The following PARVG variants were observed in gnomAD, a reference collection of about 807,000 sequenced individuals.
PARVG encodes parvin gamma, also known as gamma-parvin.
In PARVG, 36 loss-of-function variants were observed where a neutral mutation model predicts 44.4. The observed-to-expected ratio is 0.81, with a 90% CI of 0.62 to 1.07. The LOEUF (loss-of-function observed/expected upper bound fraction) is 1.07. Ranked by LOEUF, PARVG falls within the 50% of genes least tolerant of loss-of-function variation. PARVG has a pLI of 0.00. For synonymous variants in PARVG, 170 were observed against 174.1 expected (o/e 0.98, Z 0.19); for missense variants, 407 against 407.4 (o/e 1.00, Z 0.01).
upstream of PARVG, among the ~76,000 whole-genome samples, chr22:44,177,456 A>G (rs767148706): frequency 1.8e-4 from 27 of 152,238 alleles, no homozygotes; most frequent in Admixed American, 5.9e-4. Flanking sequence ...AATAAGAGGC[A>G]GGACAAGGCA....
At position 44,188,787 on chromosome 22, in the gene PARVG, A is replaced by G. The variant is rs2054509466; in HGVS notation, c.248-327A>G. On this transcript the variant is annotated intron_variant, in intron 5 of 13. Coordinates refer to ENST00000444313, the MANE Select transcript of PARVG (RefSeq NM_022141.7). Reference sequence around the variant, plus strand: ...ACTGCCCTGCAGAGATGAAGTGGACACAGCTGTGCAGAAGGGCAGGGGCTG... The same window carrying G: ...ACTGCCCTGCAGAGATGAAGTGGACGCAGCTGTGCAGAAGGGCAGGGGCTG... 5 of 357,086 alleles carry G rather than the reference A, an allele frequency of 1.4e-5. No homozygotes were observed. The South Asian group carries it at 1.8e-4, about 13-fold the overall frequency. The allele number at this position is 357,086 out of a possible 1,614,324, so 22.1% of individuals were successfully genotyped here. A position where few individuals can be genotyped will look rare whatever the true frequency, so the allele number is the denominator to read the frequency against.
intron 12 of PARVG, among the ~76,000 whole-genome samples, chr22:44,203,356 T>C (rs2054735102): frequency 6.6e-6 from 1 of 152,156 alleles, no homozygotes; most frequent in South Asian, 2.1e-4. Context: ...TGGGGAAACA[T>C]GTCTAGTCTT....
At position 44,182,076 on chromosome 22, in the gene PARVG, G is replaced by C. The variant is rs2147217072; in HGVS notation, c.-13+159G>C. ...GACCTTGAGTCCCCACGGCCCCTCC[G>C]GCTGCCCCTGCTCAGAGGCTGCTCG... is the stretch of plus-strand genomic sequence containing the variant. On this transcript the variant is annotated intron_variant, in intron 2 of 13. Coordinates refer to ENST00000444313, the MANE Select transcript of PARVG (RefSeq NM_022141.7). The surrounding 1 kb of genome is among the most constrained non-coding windows in gnomAD (Gnocchi z 4.6). 6.6e-6 allele frequency among the ~76,000 whole-genome samples: 1 copy of C among 152,098 alleles called. No homozygotes were observed. The highest frequency in any genetic ancestry group is 1.5e-5 in the Non-Finnish European group (1 of 68,004).
At chr22:44,202,743 C>T (rs2054726438) in intron 12 of PARVG, among the ~76,000 whole-genome samples, 1 of 152,236 alleles carries the variant, frequency 6.6e-6, no homozygotes, top group African/African-American at 2.4e-5. Flanking sequence ...GTTATCTTGG[C>T]AGAGTAGCCT....
chr22:44,190,764 G>T, intron 7 of PARVG, 98 bp downstream of exon 7: 1 of 1,014,188 alleles, frequency 9.9e-7, no homozygotes, highest in South Asian at 1.3e-5. Flanking sequence ...GGGCGGGGCT[G>T]ACCCAGGGTG....
At chr22:44,190,706 A>G in intron 7 of PARVG, 40 bp downstream of exon 7, 2 of 1,538,880 alleles carry the variant, frequency 1.3e-6, no homozygotes, top group African/African-American at 1.4e-5. Flanking sequence ...GCAGAAGCTG[A>G]GCCTCTTGGG....
chr22:44,198,007 G>A (rs2054641013), intron 11 of PARVG, among the ~76,000 whole-genome samples: 1 of 152,186 alleles, frequency 6.6e-6, no homozygotes, highest in African/African-American at 2.4e-5. Context: ...TTGCATTTCA[G>A]TTGTATTACC....
At chr22:44,175,637 G>A (rs2054311713) in intron 1 of PARVG, among the ~76,000 whole-genome samples, 1 of 152,056 alleles carries the variant, frequency 6.6e-6, no homozygotes, top group South Asian at 2.1e-4. Flanking sequence ...CATTCATTGG[G>A]TCAGTGAGTA....
chr22:44,205,698 C>G (rs2054771001), intron 12 of PARVG, 59 bp from the exon 13 acceptor site: 1 of 1,600,414 alleles, frequency 6.2e-7, no homozygotes, highest in African/African-American at 1.3e-5. Flanking sequence ...ACTTGGGACC[C>G]AAGGCCTGGC....
At position 44,205,829 on chromosome 22, in the gene PARVG, G is replaced by A. The variant is rs762967717; in HGVS notation, c.886G>A (p.Asp296Asn). The A allele has an allele frequency of 1.9e-6, 3 of 1,612,952 alleles. No homozygotes were observed. The highest frequency in any genetic ancestry group is 2.5e-6 in the Non-Finnish European group (3 of 1,179,868). Residue 296 changes from aspartate to asparagine, a missense_variant and splice_region_variant, in exon 13 of 14, where the codon GAT becomes AAT. Asp to Asn is a conservative substitution (Grantham distance 23). Transcript: ENST00000444313. ...GCTCAGCTGCCCTGTCAGCCCTGAAGGTGAGTGCAAGGCAGATGCCCACAC... is the reference window on the plus strand; with the variant it reads ...GCTCAGCTGCCCTGTCAGCCCTGAAAGTGAGTGCAAGGCAGATGCCCACAC... ...GLLSCPVSPE[D>N]IVNKDAKSTL...
chr22:44,194,444 C>T (rs1301909384), intron 9 of PARVG, among the ~76,000 whole-genome samples: 4 of 152,194 alleles, frequency 2.6e-5, no homozygotes, highest in Non-Finnish European at 5.9e-5. Context: ...TTGATCCATC[C>T]TTTCTTCCAT....
At chr22:44,181,600 A>G in intron 1 of PARVG, 142 bp from the exon 2 acceptor site, 4 of 641,984 alleles carry the variant, frequency 6.2e-6, no homozygotes, top group Non-Finnish European at 7.7e-6. Flanking sequence ...AGGGGGAGAA[A>G]TGAAAGCATT....
Position 44,206,614 on chromosome 22 carries a change from GC to G in PARVG, c.*190del, listed in dbSNP as rs2054785803. 2 of 602,562 alleles carry G rather than the reference GC, an allele frequency of 3.3e-6. No homozygotes were observed. The allele number at this position is 602,562 out of a possible 1,614,324, so 37.3% of individuals were successfully genotyped here. A position where few individuals can be genotyped will look rare whatever the true frequency, so the allele number is the denominator to read the frequency against. ...TGTGTGGATCATTTTGAGCCGCCTG[GC>G]CTTGCTCAGTTTATTTTAATAAAAG... On this transcript the variant is annotated 3_prime_UTR_variant, in exon 14 of 14. Transcript: ENST00000444313.
At chr22:44,188,092 C>T (rs1461875212) in intron 5 of PARVG, 4 of 595,430 alleles carry the variant, frequency 6.7e-6, no homozygotes, top group African/African-American at 5.6e-5. Flanking sequence ...CAGGGTGGGG[C>T]TCTGACGCCA....
In PARVG at chr22:44,194,243, T is replaced by C. The variant is rs1301086914; in HGVS notation, c.583+420T>C. Among the ~76,000 whole-genome samples the C allele has an allele frequency of 2.0e-5, 3 of 152,208 alleles. No homozygotes were observed. The East Asian group carries it at 5.8e-4, about 29-fold the overall frequency. On this transcript the variant is annotated intron_variant, in intron 9 of 13. Transcript: ENST00000444313. ...TGGCAGTGAGGGTTAAAGGAGATAA[T>C]GTATGAGTGTGTTCAGCATGTGGGC...
rs764855270 is a variant in PARVG, at chr22:44,189,082, CA to C, written c.248-31del. On this transcript the variant is annotated intron_variant, in intron 5 of 13. Transcript: ENST00000444313. Reference sequence around the variant, plus strand: ...AGGTGCTCTCTGGTCTGTCCCCGGCCAGGGGTCCTCACCACCCTCTCCTGCC... The same window carrying C: ...AGGTGCTCTCTGGTCTGTCCCCGGCCGGGGTCCTCACCACCCTCTCCTGCC... 9 of 1,613,326 alleles carry C rather than the reference CA, an allele frequency of 5.6e-6. No homozygotes were observed. In the East Asian group the frequency reaches 2.0e-4, roughly 36 times the overall value.
chr22:44,198,795 C>A, intron 12 of PARVG, 73 bp downstream of exon 12: 2 of 1,210,662 alleles, frequency 1.7e-6, no homozygotes, highest in Non-Finnish European at 2.4e-6. Flanking sequence ...CATGACCAGT[C>A]TGTTTATTCA....
chr22:44,188,949 A>G (rs1569181116), intron 5 of PARVG, 165 bp from the exon 6 acceptor site: 2 of 829,182 alleles, frequency 2.4e-6, no homozygotes, highest in Non-Finnish European at 3.7e-6. Flanking sequence ...TGGAGGGCAT[A>G]CCCGATTGAG....
chr22:44,179,347 AG>A (rs2054347111), upstream of PARVG, among the ~76,000 whole-genome samples: 1 of 152,238 alleles, frequency 6.6e-6, no homozygotes, highest in Admixed American at 6.5e-5. This position sits in a 1 kb window ranked among gnomAD's most constrained non-coding sequence, Gnocchi z 4.2. Flanking sequence ...TTCTTACATC[AG>A]CCCTGCAGCC....
Sources: gnomAD v4.1 joint callset for allele counts (sites outside exome capture counted in the v4.1 genomes callset) on GRCh38, gnomAD v4.1.1 for gene constraint, Gnocchi (gnomAD v3.1) non-coding constraint, MANE v1.5 for transcripts, NCBI Gene and HGNC (gene_info 2026-07-23, HGNC 2026-07-21) for gene names.